Variants in FBXL13 observed in about 807,000 individuals in gnomAD.
FBXL13 encodes F-box and leucine-rich repeat protein 13.
FBXL13 carries 67 observed loss-of-function variants against 83.6 expected under a neutral mutation model. The observed-to-expected ratio is 0.80, with a 90% CI of 0.66 to 0.98. The LOEUF is 0.98. FBXL13 is among the 50% of genes least tolerant of loss of function. The pLI is 0.00. For synonymous variants in FBXL13, 272 were observed against 299.5 expected (o/e 0.91, Z 0.95); for missense variants, 822 against 866.5 (o/e 0.95, Z 0.64).
At chr7:102,996,679 T>C (rs527717192) in intron 6 of FBXL13, among the ~76,000 whole-genome samples, 1 of 152,322 alleles carries the variant, frequency 6.6e-6, no homozygotes, top group East Asian at 1.9e-4. Context: ...GGGGAAACTT[T>C]GGATTTCCTC....
intron 11 of FBXL13, among the ~76,000 whole-genome samples, chr7:102,894,605 G>A (rs1812022752): frequency 6.6e-6 from 1 of 151,818 alleles, no homozygotes; most frequent in South Asian, 2.1e-4. Flanking sequence ...GCATGCGCCT[G>A]TAATGCCAAC....
chr7:102,923,651 T>C (rs140593905), intron 10 of FBXL13, among the ~76,000 whole-genome samples: 3,387 of 151,472 alleles, frequency 0.022, 148 homozygotes, highest in East Asian at 0.16. Flanking sequence ...TGAAACCCCA[T>C]CTCTACTAAA....
intron 16 of FBXL13, among the ~76,000 whole-genome samples, chr7:102,865,522 G>A (rs1298665940): frequency 6.6e-6 from 1 of 151,320 alleles, no homozygotes; most frequent in Non-Finnish European, 1.5e-5. Flanking sequence ...ACTTATTTTT[G>A]TGTTTTTTTT....
At chr7:102,970,653 C>A (rs796885184) in intron 6 of FBXL13, among the ~76,000 whole-genome samples, 19 of 151,898 alleles carry the variant, frequency 1.3e-4, no homozygotes, top group African/African-American at 4.3e-4. Context: ...AAAAGGAAGT[C>A]CAACAAGATT....
Position 103,036,859 on chromosome 7 carries a change from G to A in FBXL13, c.1-7441C>T, listed in dbSNP as rs145147002. The stretch of plus-strand genomic sequence containing the variant: ...AGGGCTTTTGTGCCTGGACAGAAAC[G>A]CTCACTAACATTTGTACTTTAATGC... On this transcript the variant is annotated intron_variant, in intron 2 of 19. Transcript: ENST00000313221. Among the ~76,000 whole-genome samples, 269 of 152,208 alleles carry A rather than the reference G, an allele frequency of 1.8e-3. 3 individuals carry two copies. The highest frequency in any genetic ancestry group is 7.0e-3 in the Admixed American group (107 of 15,286).
chr7:103,036,010 C>T (rs1045437134), intron 2 of FBXL13, among the ~76,000 whole-genome samples: 13 of 152,136 alleles, frequency 8.5e-5, no homozygotes, highest in African/African-American at 3.1e-4. Flanking sequence ...AGTGGGCAAG[C>T]GAGCATTACC....
At chr7:102,917,156 A>T (rs1009985560) in intron 10 of FBXL13, among the ~76,000 whole-genome samples, 5 of 152,182 alleles carry the variant, frequency 3.3e-5, no homozygotes, top group African/African-American at 1.2e-4. Context: ...ACCTAAATGG[A>T]GTGATCTGGC....
intron 8 of FBXL13, among the ~76,000 whole-genome samples, chr7:102,951,582 A>G (rs1395658896): frequency 3.3e-5 from 5 of 151,654 alleles, no homozygotes; most frequent in African/African-American, 9.7e-5. Context: ...CTGAGGCAGG[A>G]GGATCACTTG....
At chr7:102,896,896 T>G (rs1299451260) in intron 11 of FBXL13, among the ~76,000 whole-genome samples, 1 of 152,192 alleles carries the variant, frequency 6.6e-6, no homozygotes, top group Non-Finnish European at 1.5e-5. Context: ...CAATGAACAA[T>G]GGATTCCATC....
chr7:102,961,549 C>G (rs1219433616), intron 8 of FBXL13, among the ~76,000 whole-genome samples: 4 of 146,396 alleles, frequency 2.7e-5, no homozygotes, highest in African/African-American at 7.6e-5. Flanking sequence ...GCCAAAAGAA[C>G]AAAGCTGGAG....
At chr7:103,009,119 A>C (rs1458260043) in intron 6 of FBXL13, among the ~76,000 whole-genome samples, 5 of 152,200 alleles carry the variant, frequency 3.3e-5, no homozygotes, top group African/African-American at 1.2e-4. Flanking sequence ...GGAAAAAAAA[A>C]GATAGCTGCA....
intron 6 of FBXL13, among the ~76,000 whole-genome samples, chr7:102,996,350 G>C (rs907531094): frequency 2.0e-5 from 3 of 152,198 alleles, no homozygotes; most frequent in South Asian, 2.1e-4. Context: ...GGATAGGAAA[G>C]AGCATTAGAC....
At chr7:102,936,908 C>T (rs1395906600) in intron 8 of FBXL13, among the ~76,000 whole-genome samples, 1 of 146,618 alleles carries the variant, frequency 6.8e-6, no homozygotes, top group Non-Finnish European at 1.5e-5. Context: ...CCTATTTCTG[C>T]TTTTGTGTTT....
chr7:102,813,187 G>T, downstream of FBXL13: 1 of 715,496 alleles, frequency 1.4e-6, no homozygotes, highest in Non-Finnish European at 2.3e-6. Context: ...AACTACTGAT[G>T]TGTTTGGAAA....
chr7:102,992,176 G>C lies in FBXL13; in HGVS notation c.496-24059C>G, dbSNP rs531045199. Among the ~76,000 whole-genome samples, 4 of 152,210 alleles carry C rather than the reference G, an allele frequency of 2.6e-5. No homozygotes were observed. In the East Asian group the frequency reaches 7.7e-4, roughly 29 times the overall value. Reference sequence around the variant, plus strand: ...GGGAAGAACAGTGAAGGGAGAAAAAGAACAGCTTTATAAGTCTGCCATCAT... The same window carrying C: ...GGGAAGAACAGTGAAGGGAGAAAAACAACAGCTTTATAAGTCTGCCATCAT... On this transcript the variant is annotated intron_variant, in intron 6 of 19. Coordinates refer to ENST00000313221, the Ensembl canonical transcript of FBXL13.
intron 2 of FBXL13, among the ~76,000 whole-genome samples, chr7:103,045,815 T>G (rs1291752447): frequency 6.6e-6 from 1 of 152,234 alleles, no homozygotes; most frequent in Non-Finnish European, 1.5e-5. Context: ...GGTGAAAGTG[T>G]GACCAAAACT....
At chr7:102,967,949 C>T (rs1403593738) in intron 7 of FBXL13, 73 bp downstream of exon 8, 1 of 1,148,088 alleles carries the variant, frequency 8.7e-7, no homozygotes, top group Non-Finnish European at 1.3e-6. Context: ...GTCCCCACAA[C>T]AGCTGGCTTC....
chr7:102,837,636 G>A (rs749673187), intron 17 of FBXL13, among the ~76,000 whole-genome samples: 9 of 152,084 alleles, frequency 5.9e-5, no homozygotes, highest in Non-Finnish European at 1.0e-4. Flanking sequence ...GCTCACTGTA[G>A]CCTCAAATTC....
intron 2 of FBXL13, among the ~76,000 whole-genome samples, chr7:103,032,769 C>T (rs1300348853): frequency 1.3e-5 from 2 of 152,238 alleles, no homozygotes; most frequent in Admixed American, 6.5e-5. Flanking sequence ...GTGGCTCACA[C>T]TTGCAATCCC....
Sources: gnomAD v4.1 joint callset for allele counts (sites outside exome capture counted in the v4.1 genomes callset) on GRCh38, gnomAD v4.1.1 for gene constraint, MANE v1.5 for transcripts, NCBI Gene and HGNC (gene_info 2026-07-23, HGNC 2026-07-21) for gene names.